ENTREP2: variants seen among roughly 807,000 people sequenced by gnomAD.
ENTREP2 encodes the protein endosomal transmembrane epsin interactor 2.
the ENTREP2 span, among the ~76,000 whole-genome samples, chr15:29,634,197 G>A: frequency 7.2e-4 from 110 of 152,172 alleles, 1 homozygote; most frequent in African/African-American, 2.5e-3. Flanking sequence ...CCTAAGGTTC[G>A]GTGTGCAGGA....
At chr15:29,181,558 T>G in the ENTREP2 span, among the ~76,000 whole-genome samples, 1 of 152,162 alleles carries the variant, frequency 6.6e-6, no homozygotes, top group African/African-American at 2.4e-5. Context: ...ATGAAAATAT[T>G]GTGCCTAAGT....
the ENTREP2 span, among the ~76,000 whole-genome samples, chr15:29,639,963 T>C: frequency 6.6e-6 from 1 of 151,922 alleles, no homozygotes; most frequent in African/African-American, 2.4e-5. Flanking sequence ...GAGATGGGGT[T>C]TCACCACGTT....
At chr15:29,176,375 G>A in the ENTREP2 span, among the ~76,000 whole-genome samples, 18 of 152,206 alleles carry the variant, frequency 1.2e-4, no homozygotes, top group African/African-American at 4.1e-4. Flanking sequence ...GCAGCTGGGT[G>A]GGCCTCCAGA....
the ENTREP2 span, among the ~76,000 whole-genome samples, chr15:29,403,091 G>T: frequency 1.3e-5 from 2 of 152,156 alleles, no homozygotes; most frequent in African/African-American, 4.8e-5. Flanking sequence ...GCACAGTGAC[G>T]GGGTCCAAGG....
chr15:29,133,064 G>A, the ENTREP2 span, among the ~76,000 whole-genome samples: 1 of 152,142 alleles, frequency 6.6e-6, no homozygotes, highest in African/African-American at 2.4e-5. Context: ...CGGTGCCCCT[G>A]CTGGCTACAG....
chr15:29,636,813 T>C, the ENTREP2 span, among the ~76,000 whole-genome samples: 1 of 152,184 alleles, frequency 6.6e-6, no homozygotes. Flanking sequence ...CTAAATATAT[T>C]CCAGAGATGA....
chr15:29,205,387 A>G, the ENTREP2 span, among the ~76,000 whole-genome samples: 3 of 152,188 alleles, frequency 2.0e-5, no homozygotes, highest in African/African-American at 7.2e-5. Flanking sequence ...TGATTTAAGA[A>G]AATGTCATAA....
the ENTREP2 span, among the ~76,000 whole-genome samples, chr15:29,338,849 AT>A: frequency 1.3e-5 from 2 of 152,208 alleles, no homozygotes; most frequent in Non-Finnish European, 2.9e-5. Flanking sequence ...CATAGTAAAC[AT>A]TTAAAATTTA....
the ENTREP2 span, among the ~76,000 whole-genome samples, chr15:29,185,544 G>C: frequency 6.6e-6 from 1 of 151,914 alleles, no homozygotes; most frequent in Non-Finnish European, 1.5e-5. Flanking sequence ...TCTTTTCCAC[G>C]GCCCCTTCTT....
At chr15:29,610,866 C>G in the ENTREP2 span, 1 of 151,830 alleles carries the variant, frequency 6.6e-6, no homozygotes, top group African/African-American at 2.4e-5. Flanking sequence ...ATTCAGTCCC[C>G]AAGTCCAAGT....
chr15:29,576,260 G>A, the ENTREP2 span, among the ~76,000 whole-genome samples: 2 of 152,158 alleles, frequency 1.3e-5, no homozygotes, highest in Non-Finnish European at 2.9e-5. Flanking sequence ...AGATGGTGCT[G>A]GGACAACTGG....
At chr15:29,640,678 A>G in the ENTREP2 span, among the ~76,000 whole-genome samples, 3 of 122,928 alleles carry the variant, frequency 2.4e-5, no homozygotes, top group Non-Finnish European at 4.7e-5. Flanking sequence ...CAAAACAAAA[A>G]AACCAAAAAG....
the ENTREP2 span, among the ~76,000 whole-genome samples, chr15:29,245,794 G>A: frequency 3.3e-3 from 508 of 152,216 alleles, no homozygotes; most frequent in Middle Eastern, 0.024. Context: ...GTACAATTTT[G>A]TCAGATTGGT....
At chr15:29,616,440 C>T in the ENTREP2 span, among the ~76,000 whole-genome samples, 2 of 152,038 alleles carry the variant, frequency 1.3e-5, no homozygotes, top group African/African-American at 4.8e-5. Context: ...TTTCCAATTC[C>T]CCTGCTCTGT....
At chr15:29,293,797 T>C in the ENTREP2 span, among the ~76,000 whole-genome samples, 7 of 152,322 alleles carry the variant, frequency 4.6e-5, no homozygotes, top group East Asian at 7.7e-4. Context: ...GTCCACACCC[T>C]CCACCCCCGC....
chr15:29,422,962 C>T, the ENTREP2 span, among the ~76,000 whole-genome samples: 1 of 152,264 alleles, frequency 6.6e-6, no homozygotes, highest in Non-Finnish European at 1.5e-5. Context: ...TGTATAATTT[C>T]GGGATAGGTG....
chr15:29,277,098 C>A, the ENTREP2 span, among the ~76,000 whole-genome samples: 391 of 152,266 alleles, frequency 2.6e-3, no homozygotes, highest in Non-Finnish European at 4.4e-3. Flanking sequence ...AATCCTAGTA[C>A]TTTGGGAGGC....
At chr15:29,385,638 C>T in the ENTREP2 span, among the ~76,000 whole-genome samples, 2 of 152,146 alleles carry the variant, frequency 1.3e-5, no homozygotes, top group Non-Finnish European at 2.9e-5. Flanking sequence ...CCCAGCAACA[C>T]TCTGGTTGCA....
At chr15:29,568,404 GT>G in the ENTREP2 span, among the ~76,000 whole-genome samples, 1 of 152,244 alleles carries the variant, frequency 6.6e-6, no homozygotes. Flanking sequence ...GAACTAACAG[GT>G]TATAGGTCGG....
Sources: allele counts gnomAD v4.1 joint callset (sites outside exome capture counted in the v4.1 genomes callset), GRCh38; gene constraint gnomAD v4.1.1; transcripts MANE v1.5; gene names NCBI Gene and HGNC (gene_info 2026-07-23, HGNC 2026-07-21).